Variants in TOM1L2 observed in about 807,000 individuals in gnomAD.
TOM1L2 encodes target of myb1 like 2 membrane trafficking protein, also known as TOM1-like protein 2.
Under a neutral mutation model 67.9 loss-of-function variants are expected in TOM1L2, and 31 were observed. That is an observed-to-expected ratio of 0.46 (90% CI 0.34 to 0.62). The LOEUF is 0.62. Among genes scored for constraint, TOM1L2 ranks in the 20% least tolerant of loss-of-function variants. The pLI is 0.01. For synonymous variants in TOM1L2, 256 were observed against 254.0 expected (o/e 1.01, Z -0.07); for missense variants, 606 against 663.5 (o/e 0.91, Z 0.95).
intron 12 of TOM1L2, chr17:17,851,336 C>A (rs1381928329): frequency 6.0e-6 from 2 of 332,108 alleles, no homozygotes; most frequent in Non-Finnish European, 1.2e-5. Context: ...TGATTTTGAA[C>A]TCAGCCACTA....
intron 1 of TOM1L2, among the ~76,000 whole-genome samples, chr17:17,956,684 G>A (rs117696856): frequency 0.015 from 2,348 of 152,328 alleles, 25 homozygotes; most frequent in Non-Finnish European, 0.024. Flanking sequence ...CAGCACTGGC[G>A]GGCCGGCACT....
Position 17,952,376 on chromosome 17 carries a change from C to CTTTTT in TOM1L2, c.52+19881_52+19885dup, listed in dbSNP as rs60388742. On this transcript the variant is annotated intron_variant, in intron 1 of 14. Transcript: ENST00000379504. ...TATACAGTAAGTGCTTCTTTATTTT[C>CTTTTT]TTTTTTTTTTTTTTTTTTTTTTTTT... Among the ~76,000 whole-genome samples the CTTTTT allele has an allele frequency of 2.1e-3, 166 of 79,796 alleles. 2 individuals are homozygous for CTTTTT. The highest frequency in any genetic ancestry group is 3.9e-3 in the African/African-American group (88 of 22,784). The allele number at this position is 79,796 out of a possible 152,430, so 52.3% of individuals were successfully genotyped here.
chr17:17,954,493 A>G lies in TOM1L2; in HGVS notation c.52+17769T>C, dbSNP rs1323013564. ...ATGTCCTGCTAATTTTTGTATTTTT[A>G]GTAGAGACGGGGTTTCGCCATGTTG... On this transcript the variant is annotated intron_variant, in intron 1 of 14. Coordinates refer to ENST00000379504, the MANE Select transcript of TOM1L2 (RefSeq NM_001082968.2). Among the ~76,000 whole-genome samples, 3 of 152,072 alleles carry G rather than the reference A, an allele frequency of 2.0e-5. No individual in the cohort carries two copies. The South Asian group carries it at 6.2e-4, about 32-fold the overall frequency.
chr17:17,912,318 T>G (rs1204438483), intron 1 of TOM1L2, among the ~76,000 whole-genome samples: 7 of 150,752 alleles, frequency 4.6e-5, no homozygotes, highest in African/African-American at 1.5e-4. Context: ...ACGGGGTGGC[T>G]GCCGGGCGGA....
intron 4 of TOM1L2, 69 bp from the exon 5 acceptor site, chr17:17,884,837 GC>G: frequency 1.3e-6 from 2 of 1,597,812 alleles, no homozygotes; most frequent in Non-Finnish European, 8.5e-7. Context: ...ATCCAAAGTG[GC>G]CCACGTCCTC....
intron 1 of TOM1L2, among the ~76,000 whole-genome samples, chr17:17,952,225 G>A (rs752772057): frequency 3.3e-5 from 5 of 152,078 alleles, no homozygotes; most frequent in Admixed American, 2.6e-4. Flanking sequence ...AAAGCGAGCT[G>A]TAAAATGAAG....
rs1178442118 is a variant in TOM1L2 at position 17,866,384 on chromosome 17, G to A, written c.996C>T (p.Asp332=). 1.2e-6 allele frequency: 2 copies of A among 1,606,626 alleles called. No individual in the cohort carries two copies. The highest frequency in any genetic ancestry group is 1.1e-5 in the South Asian group (1 of 89,602). ...CCACGGCTGGAGACCCTGGCCCCAG[G>A]TCTATTAAGTTGTCTTCGGTTACTT... ...LNEVTEDNLI[D]LGPGSPAVVS... is the part of the protein sequence containing the mutation. Residue 332 remains aspartate, a synonymous_variant, in exon 10 of 15, where the codon GAC becomes GAT. Transcript: ENST00000379504.
intron 1 of TOM1L2, among the ~76,000 whole-genome samples, chr17:17,917,295 C>T (rs1469977103): frequency 6.6e-6 from 1 of 152,066 alleles, no homozygotes; most frequent in African/African-American, 2.4e-5. Flanking sequence ...AATCACATCA[C>T]TGCACTCCAG....
chr17:17,953,688 CA>C (rs1383105826), intron 1 of TOM1L2, among the ~76,000 whole-genome samples: 2 of 152,218 alleles, frequency 1.3e-5, no homozygotes, highest in African/African-American at 4.8e-5. Flanking sequence ...CATGAAGACA[CA>C]TGAGTGGGGG....
rs561949890 is a variant in TOM1L2, at chr17:17,927,214, G to C, written c.53-19683C>G. ...CAGCATGAAACTGCATTCTTCAATG[G>C]GGGTGGAGTCCAAAGGGACAGGCCC... On this transcript the variant is annotated intron_variant, in intron 1 of 14. Transcript: ENST00000379504. 2.0e-5 allele frequency among the ~76,000 whole-genome samples: 3 copies of C among 152,290 alleles called. No homozygotes were observed. The South Asian group carries it at 6.2e-4, about 32-fold the overall frequency.
chr17:17,907,245 C>T (rs2039138361), intron 2 of TOM1L2, among the ~76,000 whole-genome samples: 2 of 152,250 alleles, frequency 1.3e-5, no homozygotes, highest in Admixed American at 1.3e-4. Flanking sequence ...CCCTGTTCTA[C>T]CTCCAAGCAC....
At chr17:17,942,399 C>G (rs543393852) in intron 1 of TOM1L2, among the ~76,000 whole-genome samples, 3 of 152,184 alleles carry the variant, frequency 2.0e-5, no homozygotes, top group African/African-American at 4.8e-5. Context: ...TTAATCCTGG[C>G]TTTAACCCTC....
intron 1 of TOM1L2, among the ~76,000 whole-genome samples, chr17:17,967,110 T>C (rs921470315): frequency 6.6e-6 from 1 of 152,170 alleles, no homozygotes; most frequent in African/African-American, 2.4e-5. Context: ...CTAATACACA[T>C]AGCAATCTGA....
intron 2 of TOM1L2, among the ~76,000 whole-genome samples, chr17:17,900,627 C>A (rs961725003): frequency 2.6e-5 from 4 of 152,072 alleles, no homozygotes; most frequent in Non-Finnish European, 4.4e-5. Context: ...CCATTCCCAG[C>A]TTGACATATG....
chr17:17,923,550 CGCAGTGGTGA>C (rs1258859149), intron 1 of TOM1L2, among the ~76,000 whole-genome samples: 2 of 151,912 alleles, frequency 1.3e-5, no homozygotes, highest in Non-Finnish European at 2.9e-5. Flanking sequence ...ATTAGCTGGG[CGCAGTGGTGA>C]GCATCTGTAG....
chr17:17,959,762 A>C (rs905098764), intron 1 of TOM1L2, among the ~76,000 whole-genome samples: 1 of 152,236 alleles, frequency 6.6e-6, no homozygotes, highest in African/African-American at 2.4e-5. Flanking sequence ...TGAAAGAATC[A>C]GTCTCTCTCC....
chr17:17,894,844 T>G lies in TOM1L2; in HGVS notation c.217-1034A>C, dbSNP rs2038473061. On this transcript the variant is annotated intron_variant, in intron 3 of 14. Transcript: ENST00000379504. ...TACTTGGGAGGCTGAGGCAGGAGAA[T>G]CGCTTGAACCTGGGAGGTGGAGGTT... 2.6e-5 allele frequency among the ~76,000 whole-genome samples: 4 copies of G among 152,212 alleles called. No individual in the cohort carries two copies. The South Asian group carries it at 8.3e-4, about 32-fold the overall frequency.
At chr17:17,934,773 G>C (rs1053319857) in intron 1 of TOM1L2, among the ~76,000 whole-genome samples, 1 of 152,224 alleles carries the variant, frequency 6.6e-6, no homozygotes, top group Non-Finnish European at 1.5e-5. Flanking sequence ...GCAAGGGCAT[G>C]ACTGTGTATG....
intron 2 of TOM1L2, among the ~76,000 whole-genome samples, chr17:17,907,129 G>A (rs1471175371): frequency 6.6e-6 from 1 of 152,242 alleles, no homozygotes; most frequent in African/African-American, 2.4e-5. Context: ...GGAGGGGAGG[G>A]ACGAGGTGAC....
Sources: allele counts gnomAD v4.1 joint callset (sites outside exome capture counted in the v4.1 genomes callset), GRCh38; gene constraint gnomAD v4.1.1; transcripts MANE v1.5; gene names NCBI Gene and HGNC (gene_info 2026-07-23, HGNC 2026-07-21).